XPO1: variants seen among roughly 807,000 people sequenced by gnomAD.
XPO1 encodes exportin-1.
Under a neutral mutation model 133.3 loss-of-function variants are expected in XPO1, and 5 were observed. The ratio of observed to expected loss-of-function variants is 0.04; its 90% CI spans 0.02 to 0.08. XPO1 has a LOEUF of 0.08. Among genes scored for constraint, XPO1 ranks in the 10% least tolerant of loss-of-function variants. XPO1 has a pLI of 1.00. For synonymous variants in XPO1, 419 were observed against 408.2 expected (o/e 1.03, Z -0.32); for missense variants, 506 against 1,267.5 (o/e 0.40, Z 9.12).
Position 61,488,264 on chromosome 2 carries a change from C to T in XPO1, c.2214G>A (p.Met738Ile), listed in dbSNP as rs1696791082. 1 of 1,613,314 alleles carries T rather than the reference C, an allele frequency of 6.2e-7. No individual in the cohort carries two copies. The highest frequency in any genetic ancestry group is 1.3e-5 in the African/African-American group (1 of 74,882). The change falls in exon 19 of 25, where the codon ATG (methionine) becomes ATA (isoleucine). Residue 738 changes from methionine (M) to isoleucine (I), a missense_variant. Physicochemically the swap from Met to Ile is conservative, Grantham distance 10 (BLOSUM62 1). Transcript: ENST00000401558. The part of the protein sequence containing the change: ...ISAAIQANGE[M>I]VTKQPLIRSM... ...TTCTAATCAATGGTTGCTTTGTAAC[C>T]ATTTCACCTACAAAACAGAATCAAA... is the stretch of plus-strand genomic sequence containing the variant.
rs183341961 is a variant in XPO1, at chr2:61,478,484, A to G, written c.*336T>C. On this transcript the variant is annotated 3_prime_UTR_variant, in exon 25 of 25. Transcript: ENST00000401558. Reference sequence around the variant, plus strand: ...TAAAAATTGGTATTGTTTACAGGAAAAATTGTATAATTTTGCATTAGAATT... The same window carrying G: ...TAAAAATTGGTATTGTTTACAGGAAGAATTGTATAATTTTGCATTAGAATT... 46 of 275,686 alleles carry G rather than the reference A, an allele frequency of 1.7e-4. No homozygotes were observed. The East Asian group carries it at 1.8e-3, about 11-fold the overall frequency. 17.1% of individuals were successfully genotyped at this position (275,686 alleles called of 1,614,324 possible).
chr2:61,512,771 G>A (rs1266756152), intron 4 of XPO1, among the ~76,000 whole-genome samples: 1 of 152,174 alleles, frequency 6.6e-6, no homozygotes, highest in African/African-American at 2.4e-5. Context: ...AGCTGGGTGC[G>A]GTAGCTCACA....
intron 10 of XPO1, among the ~76,000 whole-genome samples, chr2:61,496,528 T>C (rs758186467): frequency 3.4e-4 from 51 of 152,152 alleles, no homozygotes; most frequent in Non-Finnish European, 5.4e-4. Context: ...GTATTATGAA[T>C]AACCTTCTAG....
chr2:61,535,109 A>G (rs1483345703), intron 1 of XPO1, among the ~76,000 whole-genome samples: 1 of 152,238 alleles, frequency 6.6e-6, no homozygotes, highest in Non-Finnish European at 1.5e-5. Context: ...CTATCCTTTT[A>G]AGAGGATTCT....
intron 19 of XPO1, among the ~76,000 whole-genome samples, chr2:61,486,951 TA>T (rs1403268169): frequency 2.6e-5 from 4 of 152,020 alleles, no homozygotes. Context: ...TGATTCTAAG[TA>T]AACTGAGTTA....
chr2:61,530,554 GCTGT>G (rs1699104425), intron 2 of XPO1, among the ~76,000 whole-genome samples: 1 of 151,928 alleles, frequency 6.6e-6, no homozygotes, highest in Non-Finnish European at 1.5e-5. Flanking sequence ...CTTTTTTCTA[GCTGT>G]CTACTTGGCT....
chr2:61,502,550 C>T (rs1431479045), intron 4 of XPO1: 3 of 369,094 alleles, frequency 8.1e-6, no homozygotes, highest in South Asian at 6.5e-5. Flanking sequence ...GCCAGGAATT[C>T]GAGACCAGCA....
At chr2:61,496,776 T>C (rs1697261712) in intron 10 of XPO1, 103 bp downstream of exon 10, 2 of 1,225,882 alleles carry the variant, frequency 1.6e-6, no homozygotes, top group Non-Finnish European at 2.1e-6. Context: ...CAAAAGATTA[T>C]GGCTTATCTT....
chr2:61,491,600 A>T (rs187474972), intron 16 of XPO1, among the ~76,000 whole-genome samples: 1 of 152,128 alleles, frequency 6.6e-6, no homozygotes, highest in Non-Finnish European at 1.5e-5. Flanking sequence ...CTGTCTCACT[A>T]TGAAAATTTA....
intron 2 of XPO1, among the ~76,000 whole-genome samples, chr2:61,533,200 T>TA (rs1462107196): frequency 6.6e-5 from 10 of 152,262 alleles, no homozygotes; most frequent in African/African-American, 1.4e-4. Flanking sequence ...GCCCCACAGG[T>TA]AAAAAATCAA....
In XPO1 at chr2:61,491,459, A is replaced by AACACACACACACACAC. The variant is rs61072503; in HGVS notation, c.1887+560_1887+575dup. Among the ~76,000 whole-genome samples, 1,241 of 142,944 alleles carry AACACACACACACACAC rather than the reference A, an allele frequency of 8.7e-3. 4 individuals are homozygous for AACACACACACACACAC. Among genetic ancestry groups the AACACACACACACACAC allele is most frequent in the Middle Eastern group, 0.014 (4 of 286 alleles). 93.8% of individuals were successfully genotyped at this position (142,944 alleles called of 152,430 possible). On this transcript the variant is annotated intron_variant, in intron 16 of 24. Transcript: ENST00000401558. The stretch of plus-strand genomic sequence containing the variant: ...GAGTGAAACTCCATCTCAAAAAACA[A>AACACACACACACACAC]ACACACACACACACACACACACACA...
intron 16 of XPO1, among the ~76,000 whole-genome samples, chr2:61,491,494 A>ACACACACC (rs1696991268): frequency 6.8e-6 from 1 of 147,516 alleles, no homozygotes; most frequent in Non-Finnish European, 1.5e-5. Flanking sequence ...ACACACACAC[A>ACACACACC]CACCCCAAAA....
chr2:61,488,502 TA>T (rs374172800), intron 18 of XPO1, 85 bp downstream of exon 18: 2 of 1,421,958 alleles, frequency 1.4e-6, no homozygotes, highest in African/African-American at 1.4e-5. Flanking sequence ...TTTAAATCTG[TA>T]AAAAACATCA....
intron 21 of XPO1, 90 bp downstream of exon 21, chr2:61,483,847 C>A (rs779731852): frequency 6.9e-6 from 10 of 1,444,402 alleles, no homozygotes; most frequent in East Asian, 2.3e-5. Flanking sequence ...ACTCAAAACT[C>A]TGAACAAGTA....
intron 10 of XPO1, 25 bp downstream of exon 10, chr2:61,496,854 A>G (rs746368395): frequency 6.7e-7 from 1 of 1,500,624 alleles, no homozygotes; most frequent in South Asian, 1.4e-5. Context: ...TTATTCAGCC[A>G]ATTTTCAAGA....
intron 4 of XPO1, among the ~76,000 whole-genome samples, chr2:61,506,973 T>C (rs1573168906): frequency 1.3e-5 from 2 of 152,194 alleles, no homozygotes; most frequent in South Asian, 2.1e-4. Context: ...CTCACACCTG[T>C]AATCCCAGCA....
intron 23 of XPO1, among the ~76,000 whole-genome samples, chr2:61,481,788 G>A (rs558876873): frequency 1.3e-5 from 2 of 151,240 alleles, no homozygotes; most frequent in Non-Finnish European, 2.9e-5. Context: ...CCACACTGGA[G>A]TGCAGTGGCA....
At chr2:61,535,823 G>A (rs998515134) in intron 1 of XPO1, among the ~76,000 whole-genome samples, 137 of 152,208 alleles carry the variant, frequency 9.0e-4, no homozygotes, top group African/African-American at 3.1e-3. Flanking sequence ...TCTAAATACT[G>A]AGAGGAAATA....
chr2:61,536,142 G>T (rs896991326), intron 1 of XPO1: 1 of 152,158 alleles, frequency 6.6e-6, no homozygotes, highest in Admixed American at 6.5e-5. Flanking sequence ...TAGAATAGAA[G>T]GATTTAAATA....
Sources: allele counts gnomAD v4.1 joint callset (sites outside exome capture counted in the v4.1 genomes callset), GRCh38; gene constraint gnomAD v4.1.1; transcripts MANE v1.5; gene names NCBI Gene and HGNC (gene_info 2026-07-23, HGNC 2026-07-21).